The following TMTC2 variants were observed in gnomAD, a reference collection of about 807,000 sequenced individuals.
TMTC2 encodes transmembrane O-mannosyltransferase targeting cadherins 2.
TMTC2 carries 43 observed loss-of-function variants against 82.4 expected under a neutral mutation model. The observed-to-expected ratio is 0.52, with a 90% CI of 0.41 to 0.67. The LOEUF (loss-of-function observed/expected upper bound fraction) is 0.67. Among genes scored for constraint, TMTC2 ranks in the 30% least tolerant of loss-of-function variants. The probability of loss-of-function intolerance (pLI) is 0.00; values close to 1 mark genes in which losing one functional copy is unlikely to be tolerated. For missense variants in TMTC2, 919 were observed against 1,012.4 expected (o/e 0.91, Z 1.25); for synonymous variants, 408 against 381.9 (o/e 1.07, Z -0.80).
intron 11 of TMTC2, among the ~76,000 whole-genome samples, chr12:83,124,563 C>CTTTTT (rs61668693): frequency 1.4e-5 from 2 of 138,530 alleles, no homozygotes; most frequent in Admixed American, 7.2e-5. Flanking sequence ...TTGTTGAAAT[C>CTTTTT]TTTTTTTTTT....
chr12:82,839,498 A>G (rs1463041078), intron 1 of TMTC2, among the ~76,000 whole-genome samples: 1 of 152,156 alleles, frequency 6.6e-6, no homozygotes, highest in Admixed American at 6.5e-5. Context: ...TAAAGAGGGC[A>G]CTTTCAAGTA....
chr12:82,687,568 G>C lies in TMTC2; in HGVS notation c.-19G>C, dbSNP rs1397929312. ...TGCCCTCGCGCTGGGAGCCGAGCCG[G>C]AGGGAAGGCGGTGGAGAGATGATTG... On this transcript the variant is annotated 5_prime_UTR_variant, in exon 1 of 12. Transcript: ENST00000321196. 6.3e-7 allele frequency: 1 copy of C among 1,589,576 alleles called. No individual in the cohort carries two copies. The highest frequency in any genetic ancestry group is 1.2e-5 in the South Asian group (1 of 86,840).
intron 8 of TMTC2, among the ~76,000 whole-genome samples, chr12:83,029,453 A>C (rs2137420095): frequency 6.6e-6 from 1 of 152,328 alleles, no homozygotes; most frequent in East Asian, 1.9e-4. Context: ...AAATTAGGTT[A>C]ATTATATACC....
At chr12:83,117,235 A>G (rs1884792007) in intron 11 of TMTC2, among the ~76,000 whole-genome samples, 2 of 152,186 alleles carry the variant, frequency 1.3e-5, no homozygotes, top group African/African-American at 4.8e-5. Flanking sequence ...TTGACACAAG[A>G]TAGAGAAAGA....
At chr12:82,989,577 A>T (rs1879313175) in intron 8 of TMTC2, among the ~76,000 whole-genome samples, 2 of 151,910 alleles carry the variant, frequency 1.3e-5, no homozygotes, top group Non-Finnish European at 2.9e-5. Flanking sequence ...CCCCAAAAAA[A>T]AGTTAGAAAA....
chr12:82,835,150 A>G (rs1391571356), intron 1 of TMTC2, among the ~76,000 whole-genome samples: 2 of 152,186 alleles, frequency 1.3e-5, no homozygotes, highest in East Asian at 3.9e-4. Flanking sequence ...GGCATGAGCC[A>G]CCACACCTGG....
chr12:83,043,654 G>A (rs553860598), intron 9 of TMTC2, among the ~76,000 whole-genome samples: 15 of 152,308 alleles, frequency 9.8e-5, no homozygotes, highest in Admixed American at 5.2e-4. Context: ...GAGTTTTGGT[G>A]TGAAACTATC....
At chr12:82,850,561 C>A (rs77679652) in intron 1 of TMTC2, among the ~76,000 whole-genome samples, 1,739 of 152,106 alleles carry the variant, frequency 0.011, 40 homozygotes, top group African/African-American at 0.04. Flanking sequence ...AGGAGAGAAA[C>A]AGCCACATTT....
chr12:82,910,589 G>A (rs1036843798), intron 3 of TMTC2, among the ~76,000 whole-genome samples: 2 of 152,162 alleles, frequency 1.3e-5, no homozygotes, highest in Non-Finnish European at 2.9e-5. Context: ...CAGAAGAATC[G>A]GATTACATGT....
intron 11 of TMTC2, among the ~76,000 whole-genome samples, chr12:83,104,149 C>T (rs959266846): frequency 6.6e-6 from 1 of 152,218 alleles, no homozygotes; most frequent in Admixed American, 6.5e-5. Context: ...TGTGGCTTTG[C>T]AGGGTTCAGC....
intron 11 of TMTC2, among the ~76,000 whole-genome samples, chr12:83,107,377 C>T (rs897294216): frequency 2.6e-5 from 4 of 152,146 alleles, no homozygotes; most frequent in Admixed American, 2.6e-4. Context: ...GGTACCTGCT[C>T]GGCTTCTGGT....
At chr12:82,692,858 T>G (rs1740090106) in intron 1 of TMTC2, among the ~76,000 whole-genome samples, 1 of 152,242 alleles carries the variant, frequency 6.6e-6, no homozygotes, top group African/African-American at 2.4e-5. Context: ...ACTGCATACC[T>G]TCTTTTTTTC....
chr12:82,773,021 G>C (rs10862503), intron 1 of TMTC2, among the ~76,000 whole-genome samples: 23,092 of 152,112 alleles, frequency 0.15, 2,004 homozygotes, highest in African/African-American at 0.24. Context: ...ATATAGTTTG[G>C]TATTGTCATG....
In TMTC2 at chr12:82,973,945, A is replaced by G. The variant is rs953023209; in HGVS notation, c.1948+6948A>G. ...CCTCCTGCCAGATTTGTGGTAAAGA[A>G]AAAGATCAAAGCTTAAAAACTTTAT... is the stretch of plus-strand genomic sequence containing the variant. On this transcript the variant is annotated intron_variant, in intron 7 of 11. Coordinates refer to ENST00000321196, the MANE Select transcript of TMTC2 (RefSeq NM_152588.3). Among the ~76,000 whole-genome samples the G allele has an allele frequency of 2.0e-5, 3 of 152,244 alleles. No homozygotes were observed. The East Asian group carries it at 5.8e-4, about 29-fold the overall frequency.
chr12:82,875,087 G>A (rs974708801), intron 2 of TMTC2, among the ~76,000 whole-genome samples: 2 of 152,038 alleles, frequency 1.3e-5, no homozygotes, highest in African/African-American at 4.8e-5. Context: ...TGTTTATACT[G>A]CAGACAAAGA....
intron 4 of TMTC2, among the ~76,000 whole-genome samples, chr12:82,942,987 C>T (rs1876806726): frequency 6.6e-6 from 1 of 152,102 alleles, no homozygotes; most frequent in African/African-American, 2.4e-5. Context: ...CAGTAAGTTG[C>T]TGCAAGTGGT....
chr12:82,767,533 C>T (rs1311627179), intron 1 of TMTC2, among the ~76,000 whole-genome samples: 3 of 152,114 alleles, frequency 2.0e-5, no homozygotes, highest in Non-Finnish European at 4.4e-5. Flanking sequence ...CTGCAGTGAG[C>T]TGTGATCACA....
At chr12:82,919,823 T>A (rs1162506886) in intron 3 of TMTC2, among the ~76,000 whole-genome samples, 1 of 152,218 alleles carries the variant, frequency 6.6e-6, no homozygotes, top group Non-Finnish European at 1.5e-5. Flanking sequence ...GGTTGGGCTC[T>A]CAAGACACTG....
rs761051582 is a variant in TMTC2, at chr12:82,913,770, C to CA, written c.1484-16660dup. On this transcript the variant is annotated intron_variant, in intron 3 of 11. Transcript: ENST00000321196. The stretch of plus-strand genomic sequence containing the variant: ...TATTTCAATATCATGTTTTTCAGTT[C>CA]ATACAAAAATGGCTCATACTCAAGT... Among the ~76,000 whole-genome samples the CA allele has an allele frequency of 1.2e-3, 179 of 152,128 alleles. 1 individual carries two copies. Among genetic ancestry groups the CA allele is most frequent in the Non-Finnish European group, 2.2e-3 (147 of 67,998 alleles).
Sources: allele counts gnomAD v4.1 joint callset (sites outside exome capture counted in the v4.1 genomes callset), GRCh38; gene constraint gnomAD v4.1.1; transcripts MANE v1.5; gene names NCBI Gene and HGNC (gene_info 2026-07-23, HGNC 2026-07-21).